The following BRD10 variants were observed in gnomAD, a reference collection of about 807,000 sequenced individuals.
BRD10 encodes bromodomain containing 10, also known as uncharacterized bromodomain-containing protein 10.
chr9:5,935,084 T>C, the BRD10 span, among the ~76,000 whole-genome samples: 1 of 152,150 alleles, frequency 6.6e-6, no homozygotes, highest in Non-Finnish European at 1.5e-5. Flanking sequence ...AAGTGCTATT[T>C]TGACAGTATA....
the BRD10 span, among the ~76,000 whole-genome samples, chr9:5,891,925 C>A: frequency 6.6e-6 from 1 of 152,286 alleles, no homozygotes; most frequent in South Asian, 2.1e-4. Flanking sequence ...CAGTGCTCAA[C>A]CTCATGCACC....
chr9:5,951,073 CACA>C, the BRD10 span, among the ~76,000 whole-genome samples: 89 of 146,494 alleles, frequency 6.1e-4, no homozygotes, highest in Middle Eastern at 7.1e-3. Context: ...CACACACACA[CACA>C]CCCCCACCCC....
the BRD10 span, among the ~76,000 whole-genome samples, chr9:6,003,337 G>C: frequency 6.6e-6 from 1 of 152,136 alleles, no homozygotes; most frequent in African/African-American, 2.4e-5. Context: ...TTAAAAATCA[G>C]TTTTGGAAGA....
chr9:5,933,608 G>C, the BRD10 span: 153 of 347,848 alleles, frequency 4.4e-4, no homozygotes, highest in Non-Finnish European at 6.9e-4. Context: ...ATATCATGCA[G>C]TTTTATAAGT....
At chr9:5,995,962 A>C in the BRD10 span, among the ~76,000 whole-genome samples, 1 of 152,218 alleles carries the variant, frequency 6.6e-6, no homozygotes, top group Non-Finnish European at 1.5e-5. Flanking sequence ...GAAAAGTCAA[A>C]AAGAAAAACA....
the BRD10 span, among the ~76,000 whole-genome samples, chr9:5,894,650 C>T: frequency 2.0e-5 from 3 of 152,226 alleles, no homozygotes; most frequent in Non-Finnish European, 4.4e-5. This position sits in a 1 kb window ranked among gnomAD's most constrained non-coding sequence, Gnocchi z 4.0. Flanking sequence ...CTGACAATGC[C>T]GGAAAACGAG....
the BRD10 span, among the ~76,000 whole-genome samples, chr9:5,963,542 T>C: frequency 3.2e-4 from 48 of 149,956 alleles, no homozygotes; most frequent in African/African-American, 1.0e-3. Flanking sequence ...CTTCACAGAA[T>C]TGGAAAAAAC....
chr9:5,948,793 A>C, the BRD10 span, among the ~76,000 whole-genome samples: 2 of 152,146 alleles, frequency 1.3e-5, no homozygotes, highest in Non-Finnish European at 2.9e-5. Context: ...CCTGTAATTT[A>C]TTATAAAAAT....
At chr9:5,975,905 G>C in the BRD10 span, among the ~76,000 whole-genome samples, 1 of 152,142 alleles carries the variant, frequency 6.6e-6, no homozygotes. Flanking sequence ...TAATATATGA[G>C]ATGGACGAGG....
At chr9:5,921,574 C>A in the BRD10 span, 7 of 1,613,918 alleles carry the variant, frequency 4.3e-6, no homozygotes, top group Non-Finnish European at 5.9e-6. Context: ...CTGATACCAG[C>A]ATAAGTTTCT....
chr9:6,007,772 T>G, the BRD10 span: 414 of 1,561,422 alleles, frequency 2.7e-4, no homozygotes, highest in East Asian at 9.2e-3. Context: ...GCTCCCGGCG[T>G]CCCGGGCACA....
At chr9:5,967,410 G>C in the BRD10 span, among the ~76,000 whole-genome samples, 1 of 151,974 alleles carries the variant, frequency 6.6e-6, no homozygotes, top group African/African-American at 2.4e-5. Context: ...CAAATATATA[G>C]GGCATTTAAA....
chr9:5,923,169 T>C, the BRD10 span: 2 of 1,614,052 alleles, frequency 1.2e-6, no homozygotes, highest in Non-Finnish European at 1.7e-6. Flanking sequence ...TCTTTTGTGC[T>C]GTCATCCACA....
At chr9:6,007,621 T>G in the BRD10 span, 1 of 1,603,910 alleles carries the variant, frequency 6.2e-7, no homozygotes, top group Non-Finnish European at 8.5e-7. Flanking sequence ...CTCTTCCTCC[T>G]GATCGTCCGC....
At chr9:5,948,446 A>G in the BRD10 span, among the ~76,000 whole-genome samples, 1 of 152,068 alleles carries the variant, frequency 6.6e-6, no homozygotes, top group Non-Finnish European at 1.5e-5. Flanking sequence ...TCCTCTCTTC[A>G]ACTCAACAAG....
chr9:5,977,886 C>CAA, the BRD10 span, among the ~76,000 whole-genome samples: 126,929 of 151,980 alleles, frequency 0.84, 53,814 homozygotes, highest in Non-Finnish European at 0.93. Context: ...GTAAGGCAGA[C>CAA]AAAGCCATCT....
the BRD10 span, among the ~76,000 whole-genome samples, chr9:5,918,586 G>A: frequency 5.3e-5 from 8 of 150,606 alleles, no homozygotes; most frequent in South Asian, 4.2e-4. Flanking sequence ...GCCCATGCCC[G>A]TAGTCCCAGC....
chr9:5,931,400 G>C, the BRD10 span, among the ~76,000 whole-genome samples: 1 of 152,162 alleles, frequency 6.6e-6, no homozygotes, highest in Non-Finnish European at 1.5e-5. Flanking sequence ...TAAAAGATTA[G>C]AAAGTTTTTA....
At chr9:5,988,555 G>C in the BRD10 span, 3 of 1,603,744 alleles carry the variant, frequency 1.9e-6, no homozygotes, top group Non-Finnish European at 2.6e-6. Flanking sequence ...CCTTGGAGAA[G>C]AATAAGTCAA....
Sources: gnomAD v4.1 joint callset for allele counts (sites outside exome capture counted in the v4.1 genomes callset) on GRCh38, gnomAD v4.1.1 for gene constraint, Gnocchi (gnomAD v3.1) non-coding constraint, MANE v1.5 for transcripts, NCBI Gene and HGNC (gene_info 2026-07-23, HGNC 2026-07-21) for gene names.